Variants in MAML2 observed in about 807,000 individuals in gnomAD.
The protein encoded by MAML2 is mastermind-like protein 2.
A neutral mutation model predicts 96.1 loss-of-function variants in MAML2; 22 were observed. The observed-to-expected ratio is 0.23, with a 90% CI of 0.16 to 0.33. The LOEUF (loss-of-function observed/expected upper bound fraction) is 0.33, where lower values mean the gene tolerates loss of function less well. Ranked by LOEUF, MAML2 falls within the 10% of genes least tolerant of loss-of-function variation. The pLI is 1.00. For synonymous variants in MAML2, 561 were observed against 521.3 expected, an observed-to-expected ratio of 1.08 and a Z score of -1.04; for missense variants, 1,367 against 1,392.4, an observed-to-expected ratio of 0.98 and a Z score of 0.29.
In MAML2 at chr11:95,985,594, G is replaced by A. The variant is rs781105360; in HGVS notation, c.2392C>T (p.Pro798Ser). 1.9e-6 allele frequency: 3 copies of A among 1,612,864 alleles called. No homozygotes were observed. Among genetic ancestry groups the A allele is most frequent in the Non-Finnish European group, 2.5e-6 (3 of 1,179,320 alleles). ...CTTCTTTGGTCTTTATAATCTGGAG[G>A]TGGCCTTGACAAATGTCGGTTTATC... The part of the protein sequence containing the change: ...DQINRHLSRP[P>S]PDYKDQRRNV... The change falls in exon 4 of 5, where the codon CCT (proline) becomes TCT (serine). Residue 798 changes from proline (P) to serine (S), a missense_variant. Physicochemically the swap from Pro to Ser is moderately conservative, Grantham distance 74 (BLOSUM62 -1). Transcript: ENST00000524717.
intron 2 of MAML2, among the ~76,000 whole-genome samples, chr11:96,086,810 T>C (rs1859623235): frequency 6.6e-6 from 1 of 152,296 alleles, no homozygotes; most frequent in South Asian, 2.1e-4. Flanking sequence ...ATCAGGAAAC[T>C]GAGAGATCTG....
At chr11:96,231,608 T>C (rs144687829) in intron 1 of MAML2, among the ~76,000 whole-genome samples, 49 of 152,314 alleles carry the variant, frequency 3.2e-4, no homozygotes, top group African/African-American at 1.2e-3. Context: ...AGGACTTGAC[T>C]GGAAACTGCC....
At chr11:96,316,953 T>C (rs768623347) in intron 1 of MAML2, among the ~76,000 whole-genome samples, 11 of 152,210 alleles carry the variant, frequency 7.2e-5, no homozygotes, top group Non-Finnish European at 1.5e-4. Context: ...TCCTCTGCTG[T>C]TGGGGCCAAG....
In MAML2 at chr11:95,979,751, A is replaced by G; in HGVS notation, c.2668T>C (p.Leu890=). Residue 890 remains leucine, a synonymous_variant, in exon 5 of 5, where the codon TTG becomes CTG. Transcript: ENST00000524717. ...TYSVTSGMNQ[L]TQQRNPKQLL... is the part of the protein sequence containing the mutation. ...TGCTTTGGGTTTCTCTGTTGGGTCA[A>G]TTGATTCATTCCTGAAGTGACACTG... The G allele has an allele frequency of 1.2e-6, 2 of 1,613,984 alleles. No individual in the cohort carries two copies. Among genetic ancestry groups the G allele is most frequent in the Non-Finnish European group, 1.7e-6 (2 of 1,179,890 alleles).
At chr11:96,271,644 GATGTGTTTGC>G (rs1292337400) in intron 1 of MAML2, among the ~76,000 whole-genome samples, 1 of 152,136 alleles carries the variant, frequency 6.6e-6, no homozygotes, top group African/African-American at 2.4e-5. Flanking sequence ...TGTGAAGAAA[GATGTGTTTGC>G]TTCCCCTCCC....
chr11:95,979,141 C>T lies in MAML2; in HGVS notation c.3278G>A (p.Ser1093Asn), dbSNP rs750056569. The change falls in exon 5 of 5, where the codon AGT becomes AAT. Residue 1093 changes from serine to asparagine, a missense_variant. By Grantham distance (46) the Ser-to-Asn change is conservative (BLOSUM62 1). Coordinates refer to ENST00000524717, the MANE Select transcript of MAML2 (RefSeq NM_032427.4). The stretch of plus-strand genomic sequence containing the variant: ...GTCAGTTCCTTGAAAAGCCCTGGAA[C>T]TTTGGTTGGGTGAAGGAAAATTGCT... ...TPSNFPSPNQSSRAFQGTDHS... is the reference protein window; with the variant it reads ...TPSNFPSPNQNSRAFQGTDHS... 4 of 1,613,836 alleles carry T rather than the reference C, an allele frequency of 2.5e-6. No homozygotes were observed. Among genetic ancestry groups the T allele is most frequent in the African/African-American group, 1.3e-5 (1 of 74,898 alleles).
intron 1 of MAML2, among the ~76,000 whole-genome samples, chr11:96,163,205 C>T (rs1023940882): frequency 1.3e-5 from 2 of 152,176 alleles, no homozygotes; most frequent in African/African-American, 4.8e-5. Context: ...ACTTCCCTCC[C>T]TTCAAGAAAA....
chr11:96,249,324 T>C (rs1862552781), intron 1 of MAML2, among the ~76,000 whole-genome samples: 1 of 152,220 alleles, frequency 6.6e-6, no homozygotes, highest in Non-Finnish European at 1.5e-5. Context: ...TCTTTAGCTA[T>C]ACTTCTGCTC....
chr11:96,322,295 G>C (rs1048444336), intron 1 of MAML2, among the ~76,000 whole-genome samples: 1 of 152,150 alleles, frequency 6.6e-6, no homozygotes, highest in Non-Finnish European at 1.5e-5. Flanking sequence ...AAAATGGTAA[G>C]AGGTCACTTA....
At chr11:96,264,408 G>C (rs1250750254) in intron 1 of MAML2, among the ~76,000 whole-genome samples, 3 of 152,152 alleles carry the variant, frequency 2.0e-5, no homozygotes, top group Admixed American at 6.5e-5. Flanking sequence ...GGAACAGATT[G>C]AGGCAAAAAT....
At chr11:96,123,611 G>T (rs144853099) in intron 1 of MAML2, among the ~76,000 whole-genome samples, 217 of 152,298 alleles carry the variant, frequency 1.4e-3, no homozygotes, top group African/African-American at 4.9e-3. Flanking sequence ...TTATAGTAAG[G>T]TTGCACCAGT....
chr11:96,200,039 G>A (rs1276020123), intron 1 of MAML2, among the ~76,000 whole-genome samples: 1 of 152,124 alleles, frequency 6.6e-6, no homozygotes, highest in Non-Finnish European at 1.5e-5. Context: ...GAGGGGGAGG[G>A]TGGCCAGGAA....
Position 96,078,527 on chromosome 11 carries a change from A to G in MAML2, c.2139+13365T>C, listed in dbSNP as rs374160074. On this transcript the variant is annotated intron_variant, in intron 2 of 4. Transcript: ENST00000524717. ...CAAAATCAGAGACGGTTCAGAGAGC[A>G]GGTATCTACTGCTAATTTCTAACTA... 3.9e-5 allele frequency among the ~76,000 whole-genome samples: 6 copies of G among 152,350 alleles called. No homozygotes were observed. In the East Asian group the frequency reaches 1.2e-3, roughly 29 times the overall value.
At chr11:96,333,571 C>T (rs1250498767) in intron 1 of MAML2, among the ~76,000 whole-genome samples, 1 of 152,110 alleles carries the variant, frequency 6.6e-6, no homozygotes, top group Non-Finnish European at 1.5e-5. Flanking sequence ...TATGGAAAAC[C>T]GCACTTGAGG....
intron 1 of MAML2, among the ~76,000 whole-genome samples, chr11:96,291,115 CTTTTTTTTT>C (rs58889757): frequency 2.9e-5 from 2 of 69,026 alleles, no homozygotes; most frequent in Non-Finnish European, 5.2e-5. Flanking sequence ...TTTCACAAGC[CTTTTTTTTT>C]TTTTTTTTTT....
At chr11:95,993,256 G>A (rs1048003097) in intron 2 of MAML2, among the ~76,000 whole-genome samples, 5 of 151,828 alleles carry the variant, frequency 3.3e-5, no homozygotes, top group Non-Finnish European at 5.9e-5. Context: ...AACTATGTAA[G>A]GTTACAAGAC....
intron 2 of MAML2, among the ~76,000 whole-genome samples, chr11:96,075,598 G>A (rs1303315889): frequency 6.6e-6 from 1 of 152,180 alleles, no homozygotes; most frequent in East Asian, 1.9e-4. Context: ...GGGACTGAAA[G>A]AGGGAAGACA....
intron 1 of MAML2, among the ~76,000 whole-genome samples, chr11:96,261,920 AT>A (rs1862755609): frequency 6.6e-6 from 1 of 152,246 alleles, no homozygotes; most frequent in Non-Finnish European, 1.5e-5. Flanking sequence ...AAATTCTAAA[AT>A]TTGTATTTGA....
At chr11:96,257,602 A>T (rs1050468518) in intron 1 of MAML2, among the ~76,000 whole-genome samples, 3 of 152,236 alleles carry the variant, frequency 2.0e-5, no homozygotes, top group African/African-American at 7.2e-5. Context: ...AGAAAAACCG[A>T]AAAAGAGCCC....
Sources: gnomAD v4.1 joint callset for allele counts (sites outside exome capture counted in the v4.1 genomes callset) on GRCh38, gnomAD v4.1.1 for gene constraint, MANE v1.5 for transcripts, NCBI Gene and HGNC (gene_info 2026-07-23, HGNC 2026-07-21) for gene names.